Variants in FRMPD4 observed in about 807,000 individuals in gnomAD.
The protein encoded by FRMPD4 is FERM and PDZ domain containing 4, also known as FERM and PDZ domain-containing protein 4.
In FRMPD4, 22 loss-of-function variants were observed where a neutral mutation model predicts 94.1. That is an observed-to-expected ratio of 0.23 (90% confidence interval 0.17 to 0.33). The LOEUF (loss-of-function observed/expected upper bound fraction) is 0.33, where lower values mean the gene tolerates loss of function less well. Among genes scored for constraint, FRMPD4 ranks in the 10% least tolerant of loss-of-function variants. FRMPD4 has a pLI of 1.00. For missense variants in FRMPD4, 1,111 were observed against 1,339.9 expected (o/e 0.83, Z 2.67); for synonymous variants, 631 against 548.6 (o/e 1.15, Z -2.10).
chrX:12,539,790 C>T lies in FRMPD4; in HGVS notation c.158+40994C>T, dbSNP rs765265613. Among the ~76,000 whole-genome samples the T allele has an allele frequency of 4.0e-3, 446 of 111,210 alleles. 1 individual carries two copies. The highest frequency in any genetic ancestry group is 5.8e-3 in the Non-Finnish European group (306 of 53,022). On this transcript the variant is annotated intron_variant, in intron 2 of 16. Coordinates refer to ENST00000675598, the MANE Select transcript of FRMPD4 (RefSeq NM_001368397.1). ...CTGCGACTACAGGCATGTGCTACTA[C>T]GCCAGGCTAATTTTTGTATTTTTAG... is the stretch of plus-strand genomic sequence containing the variant.
chrX:11,967,764 T>TTG (rs2054318752), intron 3 of FRMPD4, among the ~76,000 whole-genome samples: 2 of 100,202 alleles, frequency 2.0e-5, no homozygotes, highest in African/African-American at 7.4e-5. Flanking sequence ...GTGTTTTTTT[T>TTG]TTTTTTTTTT....
At chrX:12,456,335 G>A (rs780669189) in intron 1 of FRMPD4, among the ~76,000 whole-genome samples, 25 of 109,717 alleles carry the variant, frequency 2.3e-4, no homozygotes, top group Non-Finnish European at 4.4e-4. Context: ...TCATTTAGTG[G>A]TACTAGAACC....
At chrX:12,148,411 ACT>A (rs1373619435) in intron 1 of FRMPD4, among the ~76,000 whole-genome samples, 2 of 112,592 alleles carry the variant, frequency 1.8e-5, no homozygotes, top group Non-Finnish European at 3.8e-5. Context: ...AAGACTCTTA[ACT>A]CTCTTAAATT....
chrX:12,205,126 A>G (rs2147727665), intron 1 of FRMPD4, among the ~76,000 whole-genome samples: 1 of 108,320 alleles, frequency 9.2e-6, no homozygotes, highest in Non-Finnish European at 1.9e-5. Flanking sequence ...TTAATGATGA[A>G]GGCGATGATA....
rs1475314215 is a variant in FRMPD4, at chrX:12,527,891, CT to C, written c.158+29100del. ...AAGGACATTTTAAGGCATAAGAAGT[CT>C]TTTTGGCTTAATGGGGAAATTGAAA... is the stretch of plus-strand genomic sequence containing the variant. On this transcript the variant is annotated intron_variant, in intron 2 of 16. Coordinates refer to ENST00000675598, the MANE Select transcript of FRMPD4 (RefSeq NM_001368397.1). 8.0e-5 allele frequency among the ~76,000 whole-genome samples: 9 copies of C among 112,216 alleles called. No individual in the cohort carries two copies. In the Admixed American group the frequency reaches 8.5e-4, roughly 11 times the overall value.
chrX:11,832,580 G>A (rs1318848534), intron 1 of FRMPD4, among the ~76,000 whole-genome samples: 3 of 111,849 alleles, frequency 2.7e-5, no homozygotes, highest in Non-Finnish European at 5.6e-5. Flanking sequence ...GTTGGAAGGG[G>A]CTTGAAGAGG....
chrX:12,718,939 C>A (rs774584818), intron 16 of FRMPD4, 149 bp downstream of exon 16: 24 of 416,175 alleles, frequency 5.8e-5, no homozygotes, highest in African/African-American at 2.0e-4. Context: ...AATCATTGAT[C>A]CCCTGGTATT....
At chrX:11,944,464 A>G (rs2054178376) in intron 3 of FRMPD4, among the ~76,000 whole-genome samples, 1 of 112,123 alleles carries the variant, frequency 8.9e-6, no homozygotes, top group Non-Finnish European at 1.9e-5. Flanking sequence ...GCCTTTATCT[A>G]GAAATCTATT....
At chrX:12,268,913 T>G (rs2054312664) in intron 1 of FRMPD4, among the ~76,000 whole-genome samples, 1 of 112,354 alleles carries the variant, frequency 8.9e-6, no homozygotes, top group South Asian at 3.7e-4. Flanking sequence ...TGCTTTCCAC[T>G]AGTCATAGAA....
chrX:12,560,031 G>T (rs920963401), intron 2 of FRMPD4, among the ~76,000 whole-genome samples: 5 of 111,361 alleles, frequency 4.5e-5, no homozygotes, highest in African/African-American at 1.6e-4. Flanking sequence ...GAAGTGAACA[G>T]AATCTAATGG....
chrX:11,966,991 T>G lies in FRMPD4; in HGVS notation c.95+88973T>G, dbSNP rs146988935. 4.8e-3 allele frequency among the ~76,000 whole-genome samples: 544 copies of G among 112,444 alleles called. 1 individual carries two copies. Among genetic ancestry groups the G allele is most frequent in the African/African-American group, 0.017 (514 of 31,038 alleles). ...CCACCCCATCAGCAAGTAAGTGGCA[T>G]GGGTGTGAGTTTTAATCCTTTATCT... On this transcript the variant is annotated intron_variant, in intron 3 of 18. Coordinates refer to the FRMPD4 transcript ENST00000640291.
chrX:11,968,657 T>A (rs1433005679), intron 3 of FRMPD4, among the ~76,000 whole-genome samples: 1 of 111,325 alleles, frequency 9.0e-6, no homozygotes, highest in Non-Finnish European at 1.9e-5. Flanking sequence ...AGGTAAGGAA[T>A]GAATCTCTCG....
intron 1 of FRMPD4, among the ~76,000 whole-genome samples, chrX:12,384,533 GACTT>G (rs2056370966): frequency 9.0e-6 from 1 of 110,649 alleles, no homozygotes. Context: ...AAAAAAAAAA[GACTT>G]ACAATAATGG....
intron 3 of FRMPD4, among the ~76,000 whole-genome samples, chrX:12,013,984 CATATT>C (rs762587540): frequency 6.5e-4 from 73 of 112,545 alleles, no homozygotes; most frequent in African/African-American, 2.0e-3. Context: ...TCAAATCAGA[CATATT>C]ATATAACTTT....
chrX:12,676,930 C>A (rs1338978585), intron 5 of FRMPD4, among the ~76,000 whole-genome samples: 1 of 112,027 alleles, frequency 8.9e-6, no homozygotes, highest in Non-Finnish European at 1.9e-5. Context: ...GATAAATTCT[C>A]ATCTTTGACT....
chrX:12,369,997 G>GT (rs1270226936), intron 1 of FRMPD4, among the ~76,000 whole-genome samples: 1 of 112,052 alleles, frequency 8.9e-6, no homozygotes, highest in African/African-American at 3.2e-5. Flanking sequence ...AATGGCTCTG[G>GT]TTTTTTTATT....
At chrX:12,063,889 C>T (rs1893724584) in intron 3 of FRMPD4, among the ~76,000 whole-genome samples, 1 of 112,705 alleles carries the variant, frequency 8.9e-6, no homozygotes, top group African/African-American at 3.2e-5. Flanking sequence ...TTTATTTCAT[C>T]TAGGTTTTCA....
In FRMPD4 at chrX:12,369,795, A is replaced by C. The variant is rs1312356191; in HGVS notation, c.42-128885A>C. ...ATGTGAGTGTGACTAGAGATCAGTA[A>C]GGAAGGCTGAGGCCAAGTTCAGACA... is the stretch of plus-strand genomic sequence containing the variant. On this transcript the variant is annotated intron_variant, in intron 1 of 16. Transcript: ENST00000675598. 2.7e-5 allele frequency among the ~76,000 whole-genome samples: 3 copies of C among 112,309 alleles called. No individual in the cohort carries two copies. The East Asian group carries it at 8.4e-4, about 31-fold the overall frequency.
intron 2 of FRMPD4, among the ~76,000 whole-genome samples, chrX:12,502,470 G>A (rs1336360444): frequency 3.6e-5 from 4 of 110,844 alleles, no homozygotes; most frequent in Non-Finnish European, 7.6e-5. Flanking sequence ...CATGGGAGAG[G>A]GAGTCCCAAT....
Sources: allele counts gnomAD v4.1 joint callset (sites outside exome capture counted in the v4.1 genomes callset), GRCh38; gene constraint gnomAD v4.1.1; transcripts MANE v1.5; gene names NCBI Gene and HGNC (gene_info 2026-07-23, HGNC 2026-07-21).